The following AKAP6 variants were observed in gnomAD, a reference collection of about 807,000 sequenced individuals.
AKAP6 encodes A-kinase anchoring protein 6, also known as A-kinase anchor protein 6.
Under a neutral mutation model 188.5 loss-of-function variants are expected in AKAP6, and 58 were observed. The observed-to-expected ratio is 0.31, with a 90% CI of 0.25 to 0.38. The LOEUF is 0.38. Ranked by LOEUF, AKAP6 falls within the 10% of genes least tolerant of loss-of-function variation. The probability of loss-of-function intolerance (pLI) is 1.00; values close to 1 mark genes in which losing one functional copy is unlikely to be tolerated. For synonymous variants in AKAP6, 989 were observed against 998.6 expected, an observed-to-expected ratio of 0.99 and a Z score of 0.18; for missense variants, 2,710 against 2,740.0, an observed-to-expected ratio of 0.99 and a Z score of 0.24.
intron 12 of AKAP6, among the ~76,000 whole-genome samples, chr14:32,786,319 T>TTTG (rs2033415657): frequency 8.7e-6 from 1 of 114,942 alleles, no homozygotes; most frequent in Non-Finnish European, 1.8e-5. Flanking sequence ...TTTTTTTTTT[T>TTTG]TTTTTTGAGA....
In AKAP6 at chr14:32,823,670, G is replaced by C. The variant is rs954694015; in HGVS notation, c.5857G>C (p.Val1953Leu). ...DDSNTAGKEF[V>L]SQDVRHLPKK... The stretch of plus-strand genomic sequence containing the variant: ...TTCAAATACTGCTGGCAAGGAATTT[G>C]TTTCCCAAGATGTTAGACATCTTCC... Residue 1953 changes from valine to leucine, a missense_variant, in exon 13 of 14, where the codon GTT (valine) becomes CTT (leucine). By Grantham distance (32) the Val-to-Leu change is conservative (BLOSUM62 1). Around this residue, in one of 2 missense-constraint regions of AKAP6, gnomAD observed 2,473 missense variants for 2,426.1 expected, o/e 1.02. Transcript: ENST00000280979. The C allele has an allele frequency of 3.1e-6, 5 of 1,613,716 alleles. No homozygotes were observed. Among genetic ancestry groups the C allele is most frequent in the Non-Finnish European group, 4.2e-6 (5 of 1,179,904 alleles).
chr14:32,791,023 G>A (rs1267740734), intron 12 of AKAP6, among the ~76,000 whole-genome samples: 1 of 152,126 alleles, frequency 6.6e-6, no homozygotes, highest in East Asian at 1.9e-4. Flanking sequence ...TATCATTGGT[G>A]GGCATTTGGA....
At chr14:32,449,571 G>T (rs944878915) in intron 2 of AKAP6, among the ~76,000 whole-genome samples, 8 of 150,210 alleles carry the variant, frequency 5.3e-5, no homozygotes, top group African/African-American at 2.0e-4. Flanking sequence ...TACTTTCTTA[G>T]AAAAGATTTT....
At chr14:32,785,062 T>C (rs2140031004) in intron 12 of AKAP6, among the ~76,000 whole-genome samples, 1 of 151,866 alleles carries the variant, frequency 6.6e-6, no homozygotes, top group African/African-American at 2.4e-5. Context: ...GCATGACATA[T>C]TAAAGATCTG....
In AKAP6 at chr14:32,823,119, G is replaced by A. The variant is rs2034576955; in HGVS notation, c.5306G>A (p.Cys1769Tyr). ...STLTLTEEEL[C>Y]IKDEDDDSSI... The stretch of plus-strand genomic sequence containing the variant: ...CTTACCTTGACTGAAGAAGAGCTGT[G>A]CATCAAAGATGAGGATGACGACTCC... Residue 1769 changes from cysteine (C) to tyrosine (Y), a missense_variant, in exon 13 of 14, where the codon TGC (cysteine) becomes TAC (tyrosine). Physicochemically the swap from Cys to Tyr is radical, Grantham distance 194 (BLOSUM62 -2). Around this residue, in one of 2 missense-constraint regions of AKAP6, gnomAD observed 2,473 missense variants for 2,426.1 expected, o/e 1.02. Coordinates refer to ENST00000280979, the MANE Select transcript of AKAP6 (RefSeq NM_004274.5). 6.2e-7 allele frequency: 1 copy of A among 1,613,766 alleles called. No individual in the cohort carries two copies.
chr14:32,339,103 T>C (rs886747655), intron 1 of AKAP6, among the ~76,000 whole-genome samples: 4 of 152,208 alleles, frequency 2.6e-5, no homozygotes, highest in African/African-American at 4.8e-5. Flanking sequence ...TGTTTGTTTC[T>C]CCCTGGTATA....
intron 1 of AKAP6, among the ~76,000 whole-genome samples, chr14:32,394,061 A>C (rs1218335534): frequency 6.6e-6 from 1 of 152,192 alleles, no homozygotes. Context: ...ATGTTAAATG[A>C]TTACACATAA....
At chr14:32,777,412 C>T (rs2033102470) in intron 12 of AKAP6, among the ~76,000 whole-genome samples, 2 of 152,018 alleles carry the variant, frequency 1.3e-5, no homozygotes, top group South Asian at 4.2e-4. Context: ...TAGACAAAAA[C>T]ATTAAAAGTT....
At chr14:32,348,983 A>G (rs1594526815) in intron 1 of AKAP6, among the ~76,000 whole-genome samples, 5 of 152,298 alleles carry the variant, frequency 3.3e-5, no homozygotes, top group African/African-American at 1.2e-4. Flanking sequence ...CCCTCTAACC[A>G]GACAGAGTGC....
intron 2 of AKAP6, among the ~76,000 whole-genome samples, chr14:32,499,938 A>T (rs1019168368): frequency 3.9e-5 from 6 of 152,068 alleles, no homozygotes; most frequent in Admixed American, 6.6e-5. Context: ...GTACCTGATT[A>T]AAAAAACTAA....
At chr14:32,333,074 C>T (rs983875971) in intron 1 of AKAP6, among the ~76,000 whole-genome samples, 3 of 152,198 alleles carry the variant, frequency 2.0e-5, no homozygotes, top group East Asian at 3.9e-4. Flanking sequence ...CCACAGGGCT[C>T]ATTAGCCTTT....
intron 7 of AKAP6, among the ~76,000 whole-genome samples, chr14:32,643,497 G>A (rs541348333): frequency 7.2e-5 from 11 of 151,940 alleles, no homozygotes; most frequent in Admixed American, 5.2e-4. Context: ...TAGTAGAGAC[G>A]GGGTTTCACC....
chr14:32,334,543 A>G (rs1401429249), intron 1 of AKAP6, among the ~76,000 whole-genome samples: 1 of 152,152 alleles, frequency 6.6e-6, no homozygotes, highest in Admixed American at 6.5e-5. Context: ...ATTATTAGTT[A>G]TTGTTAATCT....
intron 1 of AKAP6, among the ~76,000 whole-genome samples, chr14:32,393,462 A>AATAG (rs1281135291): frequency 1.3e-5 from 2 of 152,154 alleles, no homozygotes; most frequent in African/African-American, 4.8e-5. Context: ...AATGACCCTG[A>AATAG]ATAGATCCTG....
chr14:32,446,323 T>C (rs914043021), intron 2 of AKAP6, among the ~76,000 whole-genome samples: 6 of 152,212 alleles, frequency 3.9e-5, no homozygotes, highest in African/African-American at 1.2e-4. Context: ...TGGATTATGC[T>C]CTTTTATAAT....
At chr14:32,524,436 T>C (rs1594708456) in intron 2 of AKAP6, among the ~76,000 whole-genome samples, 1 of 152,106 alleles carries the variant, frequency 6.6e-6, no homozygotes, top group South Asian at 2.1e-4. Context: ...AAACATCTGG[T>C]ATACATGTAA....
intron 4 of AKAP6, among the ~76,000 whole-genome samples, chr14:32,570,598 T>C (rs117777049): frequency 6.6e-6 from 1 of 152,330 alleles, no homozygotes; most frequent in East Asian, 1.9e-4. Context: ...AGCTCTTGTT[T>C]TACATCAGGC....
chr14:32,791,880 C>A (rs909381559), intron 12 of AKAP6, among the ~76,000 whole-genome samples: 2 of 152,116 alleles, frequency 1.3e-5, no homozygotes, highest in African/African-American at 4.8e-5. Context: ...TATAGGGAAT[C>A]CTTTCCCCAT....
chr14:32,350,389 C>T (rs1289568470), intron 1 of AKAP6, among the ~76,000 whole-genome samples: 1 of 152,016 alleles, frequency 6.6e-6, no homozygotes, highest in African/African-American at 2.4e-5. Flanking sequence ...AGACTGGGGA[C>T]ATTCTAGGGA....
Sources: gnomAD v4.1 joint callset for allele counts (sites outside exome capture counted in the v4.1 genomes callset) on GRCh38, gnomAD v4.1.1 for gene constraint, gnomAD v4.1.1 regional missense constraint, MANE v1.5 for transcripts, NCBI Gene and HGNC (gene_info 2026-07-23, HGNC 2026-07-21) for gene names.